TGFBR3: variants seen among roughly 807,000 people sequenced by gnomAD.
TGFBR3 encodes the protein transforming growth factor beta receptor type 3.
Under a neutral mutation model 87.9 loss-of-function variants are expected in TGFBR3, and 46 were observed. That is an observed-to-expected ratio of 0.52 (90% CI 0.41 to 0.67). TGFBR3 has a LOEUF of 0.67. TGFBR3 is among the 30% of genes least tolerant of loss of function. TGFBR3 has a pLI of 0.00. For synonymous variants in TGFBR3, 381 were observed against 391.6 expected (o/e 0.97, Z 0.32); for missense variants, 866 against 1,041.9 (o/e 0.83, Z 2.32).
At chr1:91,687,477 C>G (rs576871444) in intron 16 of TGFBR3, among the ~76,000 whole-genome samples, 3 of 152,288 alleles carry the variant, frequency 2.0e-5, no homozygotes, top group African/African-American at 7.2e-5. Context: ...CAACTGTATT[C>G]TTATTTCTAA....
At chr1:91,694,688 T>A (rs79369896) in intron 16 of TGFBR3, among the ~76,000 whole-genome samples, 1 of 152,210 alleles carries the variant, frequency 6.6e-6, no homozygotes, top group Non-Finnish European at 1.5e-5. Flanking sequence ...GATCATGGCA[T>A]TCATTGGTTT....
At chr1:91,797,543 T>C (rs1675438484) in intron 2 of TGFBR3, 72 bp from the exon 3 acceptor site, 2 of 1,567,010 alleles carry the variant, frequency 1.3e-6, no homozygotes, top group African/African-American at 1.4e-5. Context: ...GCAAGGGTGA[T>C]CAAACCACTG....
intron 3 of TGFBR3, among the ~76,000 whole-genome samples, chr1:91,787,862 G>A (rs1429668994): frequency 4.0e-5 from 6 of 151,106 alleles, no homozygotes; most frequent in Admixed American, 6.6e-5. Context: ...TGAGATGGGA[G>A]AATCGCTTGA....
chr1:91,846,017 T>G (rs923252884), intron 2 of TGFBR3, among the ~76,000 whole-genome samples: 5 of 152,208 alleles, frequency 3.3e-5, no homozygotes, highest in Admixed American at 3.3e-4. Context: ...ACAAAACCTC[T>G]TGAAGATGGT....
chr1:91,871,408 T>C lies in TGFBR3; in HGVS notation c.-113-9764A>G, dbSNP rs1678578228. Among the ~76,000 whole-genome samples, 4 of 152,330 alleles carry C rather than the reference T, an allele frequency of 2.6e-5. No homozygotes were observed. The South Asian group carries it at 8.3e-4, about 32-fold the overall frequency. On this transcript the variant is annotated intron_variant, in intron 1 of 16. Transcript: ENST00000212355. ...TTAGCGCCTACCCTGTCCTGGGCAC[T>C]GTTCAGGGAGGTGGGCACATAGCAG...
chr1:91,687,064 TGGA>T lies in TGFBR3; in HGVS notation c.2438-3210_2438-3208del, dbSNP rs1178068547. Among the ~76,000 whole-genome samples the T allele has an allele frequency of 3.3e-5, 5 of 152,152 alleles. No homozygotes were observed. The East Asian group carries it at 9.6e-4, about 29-fold the overall frequency. On this transcript the variant is annotated intron_variant, in intron 16 of 16. Transcript: ENST00000212355. The stretch of plus-strand genomic sequence containing the variant: ...GAGGAATTTGGTGCCTGACATACTC[TGGA>T]GGAGGAGAGTACACTGAGGATAAGG...
intron 6 of TGFBR3, among the ~76,000 whole-genome samples, chr1:91,729,318 T>A (rs1322526098): frequency 2.2e-5 from 3 of 138,530 alleles, no homozygotes; most frequent in Non-Finnish European, 4.8e-5. Context: ...ACACACAGAT[T>A]TAACGCAAAC....
At chr1:91,828,976 G>A (rs558250604) in intron 2 of TGFBR3, among the ~76,000 whole-genome samples, 1 of 152,126 alleles carries the variant, frequency 6.6e-6, no homozygotes, top group Non-Finnish European at 1.5e-5. Flanking sequence ...CATCTTCCTG[G>A]GCATGTGTCC....
At chr1:91,747,679 C>T (rs1673391286) in intron 4 of TGFBR3, among the ~76,000 whole-genome samples, 1 of 152,134 alleles carries the variant, frequency 6.6e-6, no homozygotes, top group Non-Finnish European at 1.5e-5. Context: ...CTACACGTTA[C>T]TGTGAGGTAT....
rs1008686284 is a variant in TGFBR3 at position 91,861,760 on chromosome 1, T to C, written c.-113-116A>G. 8.9e-6 allele frequency: 5 copies of C among 559,064 alleles called. No individual in the cohort carries two copies. In the African/African-American group the frequency reaches 9.5e-5, roughly 11 times the overall value. 34.6% of individuals were successfully genotyped at this position (559,064 alleles called of 1,614,324 possible). The stretch of plus-strand genomic sequence containing the variant: ...AATGTAAGAAATTTATCTTAAAAGA[T>C]GCAAAATAGCACTCAAGCAAACTAG... On this transcript the variant is annotated intron_variant, in intron 1 of 16. Transcript: ENST00000212355.
chr1:91,818,724 G>A (rs751810257), intron 2 of TGFBR3, among the ~76,000 whole-genome samples: 7 of 152,158 alleles, frequency 4.6e-5, no homozygotes, highest in Admixed American at 2.6e-4. Flanking sequence ...CACAGACCAC[G>A]TTTGTGCTTT....
chr1:91,872,286 AAT>A (rs1175953365), intron 1 of TGFBR3, among the ~76,000 whole-genome samples: 1 of 152,148 alleles, frequency 6.6e-6, no homozygotes, highest in East Asian at 1.9e-4. Context: ...TTCAGAGCTG[AAT>A]TTATTGCCCT....
chr1:91,737,811 G>A (rs1571458669), intron 4 of TGFBR3, among the ~76,000 whole-genome samples: 1 of 152,224 alleles, frequency 6.6e-6, no homozygotes, highest in Non-Finnish European at 1.5e-5. Context: ...AGACGGTGTC[G>A]GGACAAGATT....
chr1:91,723,480 TAAAAAAAAAAAAAA>T (rs58578681), intron 7 of TGFBR3, among the ~76,000 whole-genome samples: 32,447 of 109,716 alleles, frequency 0.3, 4,244 homozygotes, highest in African/African-American at 0.37. Context: ...GACCCTGCCT[TAAAAAAAAAAAAAA>T]AAAAAAAAAA....
rs554163360 is a variant in TGFBR3, at chr1:91,706,782, C to A, written c.2287+1881G>T. On this transcript the variant is annotated intron_variant, in intron 14 of 16. Coordinates refer to ENST00000212355, the MANE Select transcript of TGFBR3 (RefSeq NM_003243.5). ...CCCTCTATTGGGGTCTGAATTGGGACTCCTTTCTGGTAACAAAATCACTTT... is the reference window on the plus strand; with the variant it reads ...CCCTCTATTGGGGTCTGAATTGGGAATCCTTTCTGGTAACAAAATCACTTT... Among the ~76,000 whole-genome samples, 283 of 152,310 alleles carry A rather than the reference C, an allele frequency of 1.9e-3. 2 individuals are homozygous for A. The highest frequency in any genetic ancestry group is 6.6e-3 in the African/African-American group (275 of 41,572).
chr1:91,887,719 C>T (rs1325396774), upstream of TGFBR3, among the ~76,000 whole-genome samples: 1 of 152,176 alleles, frequency 6.6e-6, no homozygotes, highest in African/African-American at 2.4e-5. Flanking sequence ...ATTGGAGATT[C>T]ATTCACAAAG....
chr1:91,794,972 T>C (rs960629834), intron 3 of TGFBR3, among the ~76,000 whole-genome samples: 2 of 152,234 alleles, frequency 1.3e-5, no homozygotes, highest in Admixed American at 6.5e-5. Flanking sequence ...ATGTTCTCCA[T>C]AGTCATATGT....
intron 1 of TGFBR3, among the ~76,000 whole-genome samples, chr1:91,902,275 G>T (rs75022899): frequency 0.054 from 6,006 of 110,568 alleles, 212 homozygotes; most frequent in African/African-American, 0.12. Flanking sequence ...TTTCTTTTGT[G>T]TGTGTGTGTG....
At chr1:91,890,126 G>A (rs55813648), upstream of TGFBR3, among the ~76,000 whole-genome samples, 13,080 of 152,138 alleles carry the variant, frequency 0.086, 630 homozygotes, top group African/African-American at 0.13. Flanking sequence ...GTTTGGAATT[G>A]TTTCAAACAG....
Sources: allele counts gnomAD v4.1 joint callset (sites outside exome capture counted in the v4.1 genomes callset), GRCh38; gene constraint gnomAD v4.1.1; transcripts MANE v1.5; gene names NCBI Gene and HGNC (gene_info 2026-07-23, HGNC 2026-07-21).